The following CPEB3 variants were observed in gnomAD, a reference collection of about 807,000 sequenced individuals.
CPEB3 encodes the protein cytoplasmic polyadenylation element-binding protein 3.
CPEB3 carries 20 observed loss-of-function variants against 67.2 expected under a neutral mutation model. The observed-to-expected ratio is 0.30, with a 90% CI of 0.21 to 0.43. The LOEUF (loss-of-function observed/expected upper bound fraction) is 0.43. Among genes scored for constraint, CPEB3 ranks in the 20% least tolerant of loss-of-function variants. The pLI, the probability that CPEB3 is intolerant of heterozygous loss-of-function variation, is 1.00. For missense variants in CPEB3, 746 were observed against 968.6 expected, an observed-to-expected ratio of 0.77 and a Z score of 3.05; for synonymous variants, 376 against 393.1, an observed-to-expected ratio of 0.96 and a Z score of 0.51.
Position 92,289,732 on chromosome 10 carries a change from A to AAAAATATAT in CPEB3, c.-12+1193_-12+1194insATATATTTT. 5.1e-4 allele frequency among the ~76,000 whole-genome samples: 39 copies of AAAAATATAT among 75,756 alleles called. 1 individual carries two copies. Among genetic ancestry groups the AAAAATATAT allele is most frequent in the African/African-American group, 1.6e-3 (31 of 19,584 alleles). The allele number at this position is 75,756 out of a possible 152,430, so 49.7% of individuals were successfully genotyped here. ...CGCGTCTCTACCAAAAAAAAAAAAAAATATATATATATATATATATATATA... is the reference window on the plus strand; with the variant it reads ...CGCGTCTCTACCAAAAAAAAAAAAAAAAAATATATATATATATATATATATATATATATA... On this transcript the variant is annotated intron_variant, in intron 1 of 9. Transcript: ENST00000265997.
At chr10:92,273,487 C>G (rs1356848534) in intron 1 of CPEB3, among the ~76,000 whole-genome samples, 1 of 152,036 alleles carries the variant, frequency 6.6e-6, no homozygotes, top group African/African-American at 2.4e-5. Context: ...TCACAAAGGC[C>G]TAAAACTCCT....
rs1051760005 is a variant in CPEB3, at chr10:92,050,151, A to G, written c.*2061T>C. On this transcript the variant is annotated 3_prime_UTR_variant, in exon 10 of 10. Transcript: ENST00000265997. ...CATAACAAAATTTCTTGTACAGATG[A>G]AAAAAAACCCACAAACATAGAAAAA... 6.6e-5 allele frequency: 10 copies of G among 152,210 alleles called. No homozygotes were observed. The highest frequency in any genetic ancestry group is 1.9e-4 in the East Asian group (1 of 5,190). The allele number at this position is 152,210 out of a possible 1,614,324, so 9.4% of individuals were successfully genotyped here.
At chr10:92,212,359 T>C (rs959591332) in intron 2 of CPEB3, among the ~76,000 whole-genome samples, 2 of 151,786 alleles carry the variant, frequency 1.3e-5, no homozygotes, top group Admixed American at 1.3e-4. Context: ...CAACCAATTC[T>C]CCTGCCTCAG....
In CPEB3 at chr10:92,079,131, G is replaced by A. The variant is rs577748259; in HGVS notation, c.1869+2189C>T. Among the ~76,000 whole-genome samples the A allele has an allele frequency of 6.6e-5, 10 of 152,256 alleles. No individual in the cohort carries two copies. The South Asian group carries it at 8.3e-4, about 13-fold the overall frequency. On this transcript the variant is annotated intron_variant, in intron 9 of 9. Transcript: ENST00000265997. ...CAGGTTAAGTTCATTGCCTAGGTTC[G>A]CCAGTGATGGTTGCGATAGAGGTCT...
intron 3 of CPEB3, among the ~76,000 whole-genome samples, chr10:92,181,757 A>G (rs1564843076): frequency 6.6e-6 from 1 of 152,242 alleles, no homozygotes; most frequent in Non-Finnish European, 1.5e-5. Context: ...AAAATAAAAC[A>G]AAGAACAATA....
intron 1 of CPEB3, among the ~76,000 whole-genome samples, chr10:92,266,760 A>G (rs111753561): frequency 4.3e-4 from 65 of 152,272 alleles, no homozygotes; most frequent in African/African-American, 1.3e-3. Flanking sequence ...ATGGCTGGGC[A>G]CGGTGGCTCA....
intron 6 of CPEB3, among the ~76,000 whole-genome samples, chr10:92,130,956 G>T (rs1845819811): frequency 6.6e-6 from 1 of 152,156 alleles, no homozygotes; most frequent in East Asian, 1.9e-4. Flanking sequence ...CAGCAAGAGG[G>T]GGTATTATTA....
At chr10:92,080,803 G>C (rs1843121163) in intron 9 of CPEB3, among the ~76,000 whole-genome samples, 1 of 152,022 alleles carries the variant, frequency 6.6e-6, no homozygotes, top group African/African-American at 2.4e-5. Flanking sequence ...CACCGTGTTA[G>C]CCAGGATGGT....
At chr10:92,264,542 G>C (rs1260677702) in intron 1 of CPEB3, among the ~76,000 whole-genome samples, 1 of 151,906 alleles carries the variant, frequency 6.6e-6, no homozygotes, top group Non-Finnish European at 1.5e-5. Context: ...TGGTAATCAT[G>C]TTTTTTCTCA....
intron 6 of CPEB3, among the ~76,000 whole-genome samples, chr10:92,135,002 C>T (rs1284381670): frequency 6.6e-6 from 1 of 152,074 alleles, no homozygotes; most frequent in Non-Finnish European, 1.5e-5. Context: ...ACAACTTATA[C>T]AAAAATTAAT....
intron 1 of CPEB3, among the ~76,000 whole-genome samples, chr10:92,264,137 T>C (rs1199373997): frequency 6.6e-6 from 1 of 152,052 alleles, no homozygotes; most frequent in Non-Finnish European, 1.5e-5. Context: ...AAGACCAGCC[T>C]GGACAACATG....
At chr10:92,216,543 T>C in intron 2 of CPEB3, 1 of 1,612,614 alleles carries the variant, frequency 6.2e-7, no homozygotes, top group East Asian at 2.2e-5. Context: ...CAGAAATTTG[T>C]CAACAAAGGA....
At chr10:92,160,216 A>G (rs1350950762) in intron 4 of CPEB3, among the ~76,000 whole-genome samples, 1 of 152,162 alleles carries the variant, frequency 6.6e-6, no homozygotes, top group African/African-American at 2.4e-5. Context: ...AAGTGCTGGG[A>G]TTACAGGGGT....
intron 4 of CPEB3, among the ~76,000 whole-genome samples, chr10:92,175,481 T>C (rs938315333): frequency 1.3e-5 from 2 of 152,098 alleles, no homozygotes; most frequent in Non-Finnish European, 2.9e-5. Context: ...CATCATATGA[T>C]AGTTGTATGT....
intron 9 of CPEB3, among the ~76,000 whole-genome samples, chr10:92,076,694 A>G (rs1179768208): frequency 6.6e-6 from 1 of 152,174 alleles, no homozygotes; most frequent in Non-Finnish European, 1.5e-5. Flanking sequence ...GATTATACAC[A>G]TGAGCCACTG....
intron 2 of CPEB3, among the ~76,000 whole-genome samples, chr10:92,201,766 A>C (rs987852644): frequency 6.6e-6 from 1 of 152,192 alleles, no homozygotes; most frequent in Non-Finnish European, 1.5e-5. Flanking sequence ...TTTATGCAGA[A>C]GTACATGTAG....
intron 8 of CPEB3, among the ~76,000 whole-genome samples, chr10:92,081,841 G>A (rs1843165247): frequency 6.6e-6 from 1 of 152,136 alleles, no homozygotes; most frequent in Admixed American, 6.6e-5. Flanking sequence ...GGGTAGGCAA[G>A]GCATTTCATG....
At chr10:92,082,774 G>A (rs995466800) in intron 8 of CPEB3, among the ~76,000 whole-genome samples, 1 of 152,038 alleles carries the variant, frequency 6.6e-6, no homozygotes, top group Non-Finnish European at 1.5e-5. Context: ...CTACCCCTGG[G>A]AAGTGACCCA....
chr10:92,261,529 C>T (rs566967973), intron 1 of CPEB3, among the ~76,000 whole-genome samples: 2 of 152,258 alleles, frequency 1.3e-5, no homozygotes, highest in East Asian at 3.9e-4. Flanking sequence ...CTCACTGCAA[C>T]CTCTACCTCC....
Sources: allele counts gnomAD v4.1 joint callset (sites outside exome capture counted in the v4.1 genomes callset), GRCh38; gene constraint gnomAD v4.1.1; transcripts MANE v1.5; gene names NCBI Gene and HGNC (gene_info 2026-07-23, HGNC 2026-07-21).